Variants in UTS2 observed in about 807,000 individuals in gnomAD.
UTS2 encodes the protein urotensin-2.
Under a neutral mutation model 12.6 loss-of-function variants are expected in UTS2, and 10 were observed. The ratio of observed to expected loss-of-function variants is 0.80; its 90% CI spans 0.49 to 1.35. The LOEUF is 1.35. Among genes scored for constraint, UTS2 ranks in the 40% most tolerant of loss-of-function variants. The pLI is 0.00. For synonymous variants in UTS2, 52 were observed against 50.0 expected, an observed-to-expected ratio of 1.04 and a Z score of -0.17; for missense variants, 142 against 143.2, an observed-to-expected ratio of 0.99 and a Z score of 0.04.
the UTS2 span, among the ~76,000 whole-genome samples, chr1:7,875,479 G>A: frequency 6.6e-6 from 1 of 152,158 alleles, no homozygotes; most frequent in African/African-American, 2.4e-5. Context: ...CCCAGGGCGT[G>A]AGGACAAGAC....
At chr1:7,881,031 G>A in the UTS2 span, among the ~76,000 whole-genome samples, 1 of 147,530 alleles carries the variant, frequency 6.8e-6, no homozygotes, top group Non-Finnish European at 1.5e-5. Context: ...ACACAATGAA[G>A]GACAAAAAAT....
intron 1 of UTS2, 42 bp from the exon 2 acceptor site, chr1:7,850,964 CAGTT>C: frequency 6.3e-7 from 1 of 1,593,650 alleles, no homozygotes; most frequent in Non-Finnish European, 8.6e-7. Context: ...GTTCATCCTT[CAGTT>C]AGTTATTTCT....
At chr1:7,875,586 G>T in the UTS2 span, among the ~76,000 whole-genome samples, 1 of 152,064 alleles carries the variant, frequency 6.6e-6, no homozygotes, top group Non-Finnish European at 1.5e-5. Context: ...ACCATTGGGG[G>T]TCCTGAAGAC....
chr1:7,912,347 T>C, the UTS2 span, among the ~76,000 whole-genome samples: 1 of 152,192 alleles, frequency 6.6e-6, no homozygotes, highest in Non-Finnish European at 1.5e-5. Flanking sequence ...TAATGAGGAC[T>C]CAGCGGCATA....
At chr1:7,871,634 C>T in the UTS2 span, among the ~76,000 whole-genome samples, 4 of 152,194 alleles carry the variant, frequency 2.6e-5, no homozygotes, top group East Asian at 5.8e-4. Flanking sequence ...CTATCAGCAC[C>T]GTTTTTCCAG....
chr1:7,883,770 A>T, the UTS2 span, among the ~76,000 whole-genome samples: 1 of 152,174 alleles, frequency 6.6e-6, no homozygotes, highest in Admixed American at 6.5e-5. Flanking sequence ...TCAAGGTAAG[A>T]ACTTCCACCA....
chr1:7,901,257 A>C, the UTS2 span, among the ~76,000 whole-genome samples: 1 of 152,238 alleles, frequency 6.6e-6, no homozygotes, highest in East Asian at 1.9e-4. Flanking sequence ...TCCAGGCCAG[A>C]AATAACACAG....
the UTS2 span, among the ~76,000 whole-genome samples, chr1:7,899,827 G>C: frequency 2.0e-5 from 3 of 152,250 alleles, no homozygotes; most frequent in Admixed American, 6.5e-5. Flanking sequence ...TCTGGCTCAG[G>C]GTCTCTCAGG....
chr1:7,906,897 G>A, the UTS2 span, among the ~76,000 whole-genome samples: 1,640 of 152,222 alleles, frequency 0.011, 35 homozygotes, highest in African/African-American at 0.037. Flanking sequence ...TCCCATCATT[G>A]CAATCAGAGA....
chr1:7,870,098 T>C, the UTS2 span, among the ~76,000 whole-genome samples: 1 of 152,160 alleles, frequency 6.6e-6, no homozygotes, highest in Non-Finnish European at 1.5e-5. Context: ...TAATGGAAAA[T>C]CGCTGTTACG....
the UTS2 span, among the ~76,000 whole-genome samples, chr1:7,908,471 A>AAAAAAAAAAGGGATC: frequency 2.7e-5 from 4 of 150,866 alleles, no homozygotes. Flanking sequence ...AAAAAAAAAA[A>AAAAAAAAAAGGGATC]AAAAAAAAAG....
chr1:7,897,472 C>T, the UTS2 span, among the ~76,000 whole-genome samples: 27,555 of 152,170 alleles, frequency 0.18, 2,942 homozygotes, highest in South Asian at 0.25. Flanking sequence ...ACTGTACTGA[C>T]TCTATAAATC....
At chr1:7,876,978 A>C in the UTS2 span, among the ~76,000 whole-genome samples, 3 of 151,848 alleles carry the variant, frequency 2.0e-5, no homozygotes, top group Non-Finnish European at 4.4e-5. Context: ...AAAAATACAA[A>C]AATCAGCCAG....
At chr1:7,898,336 C>A in the UTS2 span, among the ~76,000 whole-genome samples, 10 of 152,148 alleles carry the variant, frequency 6.6e-5, no homozygotes, top group East Asian at 1.5e-3. Context: ...AAAAAAAGCA[C>A]TAAATGCCAG....
At chr1:7,899,584 G>A in the UTS2 span, among the ~76,000 whole-genome samples, 45 of 152,162 alleles carry the variant, frequency 3.0e-4, 1 homozygote, top group Middle Eastern at 6.8e-3. Flanking sequence ...ATGACTCACT[G>A]CAGCCTCAAC....
At chr1:7,853,373 G>A (rs542568011), upstream of UTS2, 79 of 1,614,120 alleles carry the variant, frequency 4.9e-5, no homozygotes, top group South Asian at 8.7e-4. Context: ...AAGAGACGTG[G>A]ATTTATGAGT....
the UTS2 span, among the ~76,000 whole-genome samples, chr1:7,887,591 A>AC: frequency 2.1e-5 from 2 of 97,160 alleles, no homozygotes; most frequent in African/African-American, 8.4e-5. Flanking sequence ...CCCAGTCTCT[A>AC]CAAAAAAAAA....
chr1:7,881,861 A>G, the UTS2 span, among the ~76,000 whole-genome samples: 5 of 152,352 alleles, frequency 3.3e-5, no homozygotes, highest in South Asian at 1.0e-3. Flanking sequence ...AAGGCATCAT[A>G]TTACCTGACT....
At chr1:7,859,462 T>C in the UTS2 span, among the ~76,000 whole-genome samples, 88 of 152,234 alleles carry the variant, frequency 5.8e-4, 1 homozygote, top group Middle Eastern at 3.4e-3. Flanking sequence ...CAGGAGAGGC[T>C]CTTTTCCTGC....
Sources: allele counts gnomAD v4.1 joint callset (sites outside exome capture counted in the v4.1 genomes callset), GRCh38; gene constraint gnomAD v4.1.1; transcripts MANE v1.5; gene names NCBI Gene and HGNC (gene_info 2026-07-23, HGNC 2026-07-21).